DIAPH2: variants seen among roughly 807,000 people sequenced by gnomAD.
The protein encoded by DIAPH2 is protein diaphanous homolog 2.
Under a neutral mutation model 92.7 loss-of-function variants are expected in DIAPH2, and 35 were observed. The observed-to-expected ratio is 0.38, with a 90% confidence interval of 0.29 to 0.50. The LOEUF (loss-of-function observed/expected upper bound fraction) is 0.50. Among genes scored for constraint, DIAPH2 ranks in the 20% least tolerant of loss-of-function variants. The pLI, the probability that DIAPH2 is intolerant of heterozygous loss-of-function variation, is 0.94. For synonymous variants in DIAPH2, 301 were observed against 280.4 expected (o/e 1.07, Z -0.73); for missense variants, 701 against 819.5 (o/e 0.86, Z 1.77).
intron 17 of DIAPH2, among the ~76,000 whole-genome samples, chrX:97,071,494 T>C: frequency 9.0e-6 from 1 of 111,632 alleles, no homozygotes; most frequent in Non-Finnish European, 1.9e-5. Context: ...TCATAATTTC[T>C]AAGTATAATT....
At chrX:97,110,191 G>C (rs2147373883) in intron 20 of DIAPH2, among the ~76,000 whole-genome samples, 1 of 111,595 alleles carries the variant, frequency 9.0e-6, no homozygotes, top group Non-Finnish European at 1.9e-5. Flanking sequence ...AAGACTCTGT[G>C]CTAGGTGCTC....
chrX:96,818,345 T>C (rs1863133886), intron 4 of DIAPH2, among the ~76,000 whole-genome samples: 1 of 110,617 alleles, frequency 9.0e-6, no homozygotes, highest in African/African-American at 3.3e-5. Context: ...ATTGTGGTTT[T>C]TGCCATTAAT....
intron 21 of DIAPH2, among the ~76,000 whole-genome samples, chrX:97,128,278 G>A (rs957263111): frequency 1.8e-5 from 2 of 110,918 alleles, no homozygotes; most frequent in Admixed American, 1.9e-4. Flanking sequence ...CATGACATTT[G>A]TAAATTGTCA....
chrX:97,284,720 C>T (rs1005979509), intron 23 of DIAPH2, among the ~76,000 whole-genome samples: 6 of 110,444 alleles, frequency 5.4e-5, no homozygotes, highest in Non-Finnish European at 1.1e-4. Flanking sequence ...TTTTTTCTCT[C>T]GCCAGCCTCC....
intron 26 of DIAPH2, among the ~76,000 whole-genome samples, chrX:97,585,446 G>C (rs2071473427): frequency 9.1e-6 from 1 of 110,271 alleles, no homozygotes; most frequent in African/African-American, 3.3e-5. Context: ...GCCCTATTGA[G>C]TAGTGCCTTT....
chrX:97,465,139 G>A (rs1360684377), intron 26 of DIAPH2, among the ~76,000 whole-genome samples: 1 of 110,893 alleles, frequency 9.0e-6, no homozygotes, highest in Non-Finnish European at 1.9e-5. Flanking sequence ...GAGCCACCGC[G>A]CCCGGCCATG....
intron 4 of DIAPH2, among the ~76,000 whole-genome samples, chrX:96,836,701 ATATATATATATATATATTTTTTT>A (rs2064890425): frequency 1.0e-4 from 2 of 19,393 alleles, no homozygotes; most frequent in African/African-American, 4.8e-4. Context: ...ATATATATAT[ATATATATATATATATATTTTTTT>A]TTTTTTTTTT....
chrX:97,084,287 T>A (rs927555961), intron 19 of DIAPH2, among the ~76,000 whole-genome samples: 2 of 111,594 alleles, frequency 1.8e-5, no homozygotes, highest in Non-Finnish European at 3.8e-5. Flanking sequence ...CTAGTAAGTT[T>A]ATTGAACGGA....
intron 21 of DIAPH2, among the ~76,000 whole-genome samples, chrX:97,120,534 A>G (rs1227845028): frequency 9.2e-6 from 1 of 108,872 alleles, no homozygotes; most frequent in African/African-American, 3.4e-5. Context: ...TGGAGCTGCA[A>G]TCTAGTCCTG....
chrX:96,983,663 T>G (rs2147842403), intron 17 of DIAPH2, among the ~76,000 whole-genome samples: 1 of 111,665 alleles, frequency 9.0e-6, no homozygotes. Context: ...CACAACTAAA[T>G]ATATTTTAAC....
At chrX:96,813,059 T>C (rs1177140410) in intron 4 of DIAPH2, among the ~76,000 whole-genome samples, 1 of 111,529 alleles carries the variant, frequency 9.0e-6, no homozygotes, top group East Asian at 2.8e-4. Context: ...GAGCTGAGTT[T>C]AAGTGCTGGA....
chrX:96,881,539 TGAAACA>T (rs1222129748), intron 4 of DIAPH2, 34 bp from the exon 5 acceptor site: 1 of 1,148,356 alleles, frequency 8.7e-7, no homozygotes, highest in Non-Finnish European at 1.2e-6. Flanking sequence ...AAATTTTTTT[TGAAACA>T]TTGTCTAAAA....
chrX:97,250,758 A>G (rs2068182127), intron 23 of DIAPH2, among the ~76,000 whole-genome samples: 1 of 111,706 alleles, frequency 9.0e-6, no homozygotes, highest in Non-Finnish European at 1.9e-5. Flanking sequence ...CCCTGCCTTT[A>G]CTTAGCACTT....
Position 96,926,768 on chromosome X carries a change from T to C in DIAPH2, c.979-3965T>C, listed in dbSNP as rs190554510. On this transcript the variant is annotated intron_variant, in intron 9 of 26. Transcript: ENST00000324765. ...CATCTCATGTTGAAATCTTATGACATCACTGAATGAAAATGCAAATATAGA... is the reference window on the plus strand; with the variant it reads ...CATCTCATGTTGAAATCTTATGACACCACTGAATGAAAATGCAAATATAGA... Among the ~76,000 whole-genome samples the C allele has an allele frequency of 9.9e-4, 110 of 111,582 alleles. 1 individual carries two copies. The highest frequency in any genetic ancestry group is 3.5e-3 in the African/African-American group (108 of 30,836).
intron 17 of DIAPH2, among the ~76,000 whole-genome samples, chrX:96,966,115 A>G (rs2065892338): frequency 9.0e-6 from 1 of 111,328 alleles, no homozygotes. Context: ...TTTTTAGATT[A>G]TGTACACTGG....
chrX:96,840,816 T>G (rs1429274695), intron 4 of DIAPH2, among the ~76,000 whole-genome samples: 3 of 109,639 alleles, frequency 2.7e-5, no homozygotes, highest in Non-Finnish European at 3.8e-5. Context: ...GGTTTCGCTG[T>G]GTTAGCCAGG....
chrX:97,495,545 G>T (rs896517516), intron 26 of DIAPH2, among the ~76,000 whole-genome samples: 4 of 111,370 alleles, frequency 3.6e-5, no homozygotes, highest in African/African-American at 1.3e-4. Flanking sequence ...CAGACAGTTT[G>T]AGATCTAATA....
At chrX:96,884,660 C>G in intron 5 of DIAPH2, 2 of 1,210,714 alleles carry the variant, frequency 1.7e-6, no homozygotes, top group Non-Finnish European at 2.2e-6. Context: ...AAGCAGGTGA[C>G]TCCATTGTCA....
rs763102875 is a variant in DIAPH2 at position 96,932,411 on chromosome X, AG to A, written c.1089+1570del. Among the ~76,000 whole-genome samples the A allele has an allele frequency of 5.5e-4, 61 of 110,802 alleles. 1 individual carries two copies. The highest frequency in any genetic ancestry group is 1.9e-3 in the African/African-American group (58 of 30,545). On this transcript the variant is annotated intron_variant, in intron 10 of 26. Transcript: ENST00000324765. ...TATTTTAGTCCTCATTTTTCAGAAA[AG>A]GTATGGTATTGTAGCTCTTGTCCTT...
Sources: allele counts gnomAD v4.1 joint callset (sites outside exome capture counted in the v4.1 genomes callset), GRCh38; gene constraint gnomAD v4.1.1; transcripts MANE v1.5; gene names NCBI Gene and HGNC (gene_info 2026-07-23, HGNC 2026-07-21).